The following GALNTL6 variants were observed in gnomAD, a reference collection of about 807,000 sequenced individuals.
GALNTL6 encodes polypeptide N-acetylgalactosaminyltransferase-like 6.
GALNTL6 carries 46 observed loss-of-function variants against 73.7 expected under a neutral mutation model. The ratio of observed to expected loss-of-function variants is 0.62; its 90% CI spans 0.49 to 0.80. The LOEUF is 0.80. GALNTL6 is among the 30% of genes least tolerant of loss of function. GALNTL6 has a pLI of 0.00. For missense variants in GALNTL6, 604 were observed against 755.0 expected (o/e 0.80, Z 2.34); for synonymous variants, 259 against 263.7 (o/e 0.98, Z 0.17).
intron 2 of GALNTL6, among the ~76,000 whole-genome samples, chr4:171,963,335 T>C (rs1431115890): frequency 6.6e-6 from 1 of 152,162 alleles, no homozygotes; most frequent in African/African-American, 2.4e-5. Context: ...AGTTTACATA[T>C]CCATATATTT....
intron 3 of GALNTL6, among the ~76,000 whole-genome samples, chr4:172,260,340 T>G (rs915823341): frequency 2.6e-5 from 4 of 151,708 alleles, no homozygotes; most frequent in African/African-American, 7.2e-5. Context: ...CCTAAGTATT[T>G]TAATTATGTA....
intron 8 of GALNTL6, among the ~76,000 whole-genome samples, chr4:172,896,083 G>A (rs1291726692): frequency 6.6e-6 from 1 of 152,152 alleles, no homozygotes; most frequent in Non-Finnish European, 1.5e-5. Flanking sequence ...TTCTTTGTCT[G>A]AGAGGTCACA....
At chr4:172,096,736 C>T (rs1453765703) in intron 2 of GALNTL6, among the ~76,000 whole-genome samples, 4 of 152,024 alleles carry the variant, frequency 2.6e-5, no homozygotes, top group African/African-American at 9.7e-5. Context: ...CCTTATTTAG[C>T]CATTCATGTT....
At chr4:171,853,412 T>C (rs1276411942) in intron 2 of GALNTL6, among the ~76,000 whole-genome samples, 1 of 151,722 alleles carries the variant, frequency 6.6e-6, no homozygotes, top group Non-Finnish European at 1.5e-5. Context: ...CTATCTTTTC[T>C]TCCTCCTTTA....
chr4:172,013,467 A>G (rs1308907440), intron 2 of GALNTL6, among the ~76,000 whole-genome samples: 1 of 145,806 alleles, frequency 6.9e-6, no homozygotes, highest in East Asian at 2.0e-4. Context: ...AGTGTCATCC[A>G]TATCAGCTCA....
chr4:172,962,808 A>G (rs73870320), intron 10 of GALNTL6, among the ~76,000 whole-genome samples: 2,732 of 151,960 alleles, frequency 0.018, 85 homozygotes, highest in African/African-American at 0.061. Context: ...TGTAAAGGAT[A>G]TGTTACAGAC....
chr4:171,968,257 C>A (rs1010386731), intron 2 of GALNTL6, among the ~76,000 whole-genome samples: 1 of 152,100 alleles, frequency 6.6e-6, no homozygotes, highest in African/African-American at 2.4e-5. Context: ...CTTCACACAA[C>A]AGAAGTGTAT....
At chr4:171,987,862 A>T (rs547331781) in intron 2 of GALNTL6, among the ~76,000 whole-genome samples, 1 of 152,288 alleles carries the variant, frequency 6.6e-6, no homozygotes. Context: ...CGCATCAGAG[A>T]GATACAGTCA....
At chr4:171,840,374 G>T (rs931091676) in intron 2 of GALNTL6, among the ~76,000 whole-genome samples, 2 of 150,804 alleles carry the variant, frequency 1.3e-5, no homozygotes, top group African/African-American at 4.9e-5. Context: ...CATACATGCG[G>T]AAATAAACAT....
At chr4:171,981,128 G>T (rs1451009898) in intron 2 of GALNTL6, among the ~76,000 whole-genome samples, 3 of 152,148 alleles carry the variant, frequency 2.0e-5, no homozygotes, top group Non-Finnish European at 4.4e-5. Context: ...AAGGTAATCA[G>T]GGTACAACTT....
chr4:172,710,952 T>C (rs1044534691), intron 5 of GALNTL6, among the ~76,000 whole-genome samples: 1 of 152,150 alleles, frequency 6.6e-6, no homozygotes, highest in African/African-American at 2.4e-5. Context: ...GGCACTCTTA[T>C]AGGTACTGGG....
intron 2 of GALNTL6, among the ~76,000 whole-genome samples, chr4:171,862,940 A>C (rs978103654): frequency 6.6e-6 from 1 of 152,172 alleles, no homozygotes; most frequent in East Asian, 1.9e-4. Flanking sequence ...TGATATTTTC[A>C]AAATGCATAT....
At chr4:172,442,189 G>A (rs909838871) in intron 5 of GALNTL6, among the ~76,000 whole-genome samples, 2 of 152,146 alleles carry the variant, frequency 1.3e-5, no homozygotes, top group African/African-American at 4.8e-5. Flanking sequence ...AGTATTCACT[G>A]ATTCAGTGTT....
intron 5 of GALNTL6, among the ~76,000 whole-genome samples, chr4:172,464,435 T>TG (rs1732730926): frequency 2.0e-5 from 3 of 152,026 alleles, no homozygotes; most frequent in Non-Finnish European, 4.4e-5. Flanking sequence ...AGGCCAGGCA[T>TG]GGTGTCTCAT....
At chr4:172,243,696 G>A (rs1027997282) in intron 3 of GALNTL6, among the ~76,000 whole-genome samples, 7 of 152,118 alleles carry the variant, frequency 4.6e-5, no homozygotes, top group Non-Finnish European at 7.4e-5. Context: ...AACCCCATTC[G>A]AGAAGTGGGA....
chr4:172,820,259 C>T (rs1192541977), intron 7 of GALNTL6, among the ~76,000 whole-genome samples: 1 of 150,926 alleles, frequency 6.6e-6, no homozygotes, highest in Non-Finnish European at 1.5e-5. Context: ...TGAGGATCAA[C>T]TTACTTGATG....
chr4:172,503,138 G>A (rs1453937910), intron 5 of GALNTL6, among the ~76,000 whole-genome samples: 1 of 152,004 alleles, frequency 6.6e-6, no homozygotes, highest in African/African-American at 2.4e-5. Flanking sequence ...TACTTGTGTG[G>A]GAAGGGTTGG....
Position 171,888,624 on chromosome 4 carries a change from C to G in GALNTL6, c.138+73906C>G, listed in dbSNP as rs142514683. On this transcript the variant is annotated intron_variant, in intron 2 of 12. Coordinates refer to ENST00000506823, the MANE Select transcript of GALNTL6 (RefSeq NM_001034845.3). Reference sequence around the variant, plus strand: ...TTGGCAAAATCTAAACAAGCCCTACCCACATTGGTCAAACCCCACTTTTCT... The same window carrying G: ...TTGGCAAAATCTAAACAAGCCCTACGCACATTGGTCAAACCCCACTTTTCT... 4.0e-3 allele frequency among the ~76,000 whole-genome samples: 602 copies of G among 152,026 alleles called. 2 individuals are homozygous for G. Among genetic ancestry groups the G allele is most frequent in the African/African-American group, 0.014 (564 of 41,484 alleles).
intron 3 of GALNTL6, among the ~76,000 whole-genome samples, chr4:172,269,825 C>T (rs868011702): frequency 3.3e-4 from 50 of 152,096 alleles, no homozygotes; most frequent in African/African-American, 1.1e-3. Flanking sequence ...AATTTCGGCT[C>T]ACTGCAACCT....
Sources: gnomAD v4.1 joint callset for allele counts (sites outside exome capture counted in the v4.1 genomes callset) on GRCh38, gnomAD v4.1.1 for gene constraint, MANE v1.5 for transcripts, NCBI Gene and HGNC (gene_info 2026-07-23, HGNC 2026-07-21) for gene names.